Variants in ABCC9 observed in about 807,000 individuals in gnomAD.
ABCC9 encodes the protein ATP-binding cassette sub-family C member 9.
Under a neutral mutation model 188.3 loss-of-function variants are expected in ABCC9, and 95 were observed. The observed-to-expected ratio is 0.50, with a 90% confidence interval of 0.43 to 0.60. The LOEUF (loss-of-function observed/expected upper bound fraction) is 0.60, where lower values mean the gene tolerates loss of function less well. Among genes scored for constraint, ABCC9 ranks in the 20% least tolerant of loss-of-function variants. ABCC9 has a pLI of 0.00. For synonymous variants in ABCC9, 659 were observed against 652.7 expected, an observed-to-expected ratio of 1.01 and a Z score of -0.15; for missense variants, 1,102 against 1,876.3, an observed-to-expected ratio of 0.59 and a Z score of 7.62.
At position 21,845,692 on chromosome 12, in the gene ABCC9, A is replaced by T; in HGVS notation, c.3007T>A (p.Leu1003Met). 1 of 1,613,876 alleles carries T rather than the reference A, an allele frequency of 6.2e-7. No individual in the cohort carries two copies. The highest frequency in any genetic ancestry group is 8.5e-7 in the Non-Finnish European group (1 of 1,179,828). Residue 1003 changes from leucine to methionine, a missense_variant, in exon 26 of 40, where the codon TTG (leucine) becomes ATG (methionine). Leu to Met is a conservative substitution (Grantham distance 15, BLOSUM62 2). Transcript: ENST00000261200. ...LLILMIFSKLLKHSVIVAIDY... is the reference protein window; with the variant it reads ...LLILMIFSKLMKHSVIVAIDY... The stretch of plus-strand genomic sequence containing the variant: ...ATAGCTACAATGACCGAATGCTTCA[A>T]AAGCTTAGAGAAAATCATCAGGATG...
intron 17 of ABCC9, among the ~76,000 whole-genome samples, chr12:21,874,774 A>G (rs1415788363): frequency 6.6e-6 from 1 of 152,224 alleles, no homozygotes; most frequent in Non-Finnish European, 1.5e-5. Flanking sequence ...GAAATACTGT[A>G]TGATTCTATT....
chr12:21,939,015 G>A (rs548239143), intron 2 of ABCC9, among the ~76,000 whole-genome samples: 1 of 152,302 alleles, frequency 6.6e-6, no homozygotes, highest in African/African-American at 2.4e-5. Context: ...GTCAGAAACA[G>A]TTTCTGTGGT....
intron 2 of ABCC9, among the ~76,000 whole-genome samples, chr12:21,937,350 G>A (rs1169666036): frequency 6.6e-6 from 1 of 152,100 alleles, no homozygotes; most frequent in Non-Finnish European, 1.5e-5. Flanking sequence ...TACACTCTAC[G>A]CAAGTTTGAA....
Position 21,878,766 on chromosome 12 carries a change from T to A in ABCC9, c.2020-3040A>T, listed in dbSNP as rs200032536. Among the ~76,000 whole-genome samples the A allele has an allele frequency of 8.6e-5, 7 of 81,246 alleles. No individual in the cohort carries two copies. The Admixed American group carries it at 1.1e-3, about 12-fold the overall frequency. The allele number at this position is 81,246 out of a possible 152,430, so 53.3% of individuals were successfully genotyped here. ...AATGCAATGTCACCTTCTGATTTGG[T>A]GCTACATTGAAGTAAAAGAAGGAAC... is the stretch of plus-strand genomic sequence containing the variant. On this transcript the variant is annotated intron_variant, in intron 16 of 39. Coordinates refer to ENST00000261200, the MANE Select transcript of ABCC9 (RefSeq NM_020297.4).
chr12:21,923,013 C>T (rs1177463698), intron 5 of ABCC9: 1 of 149,292 alleles, frequency 6.7e-6, no homozygotes, highest in African/African-American at 2.5e-5. Flanking sequence ...TACATAAGTG[C>T]CAATGCAATC....
chr12:21,859,527 G>T lies in ABCC9; in HGVS notation c.2505+59C>A. On this transcript the variant is annotated intron_variant, in intron 22 of 39. Transcript: ENST00000261200. The stretch of plus-strand genomic sequence containing the variant: ...GTTACTTGACTTACACCTTTTTAAA[G>T]ACTCATTTGTCCAGATGGAAGAATG... 2.0e-6 allele frequency: 3 copies of T among 1,514,130 alleles called. No individual in the cohort carries two copies. In the South Asian group the frequency reaches 3.4e-5, roughly 17 times the overall value. 93.8% of individuals were successfully genotyped at this position (1,514,130 alleles called of 1,614,324 possible). A position where few individuals can be genotyped will look rare whatever the true frequency, so the allele number is the denominator to read the frequency against.
Position 21,862,386 on chromosome 12 carries a change from C to G in ABCC9, c.2339+567G>C, listed in dbSNP as rs1333725570. Among the ~76,000 whole-genome samples the G allele has an allele frequency of 2.6e-5, 4 of 152,052 alleles. No individual in the cohort carries two copies. In the East Asian group the frequency reaches 7.7e-4, roughly 29 times the overall value. On this transcript the variant is annotated intron_variant, in intron 20 of 39. Coordinates refer to ENST00000261200, the MANE Select transcript of ABCC9 (RefSeq NM_020297.4). Reference sequence around the variant, plus strand: ...CATATGGTCTACTTTTCTCCTCCCTCCCCCTTCCTCTTGCCTCTCCACTTA... The same window carrying G: ...CATATGGTCTACTTTTCTCCTCCCTGCCCCTTCCTCTTGCCTCTCCACTTA...
chr12:21,855,630 A>G (rs1198780207), intron 22 of ABCC9, among the ~76,000 whole-genome samples: 2 of 152,232 alleles, frequency 1.3e-5, no homozygotes, highest in East Asian at 3.8e-4. Context: ...AGGCTGGCCA[A>G]TGTTTCAAAC....
At chr12:21,846,612 T>C (rs1376221219) in intron 25 of ABCC9, among the ~76,000 whole-genome samples, 1 of 152,160 alleles carries the variant, frequency 6.6e-6, no homozygotes, top group Non-Finnish European at 1.5e-5. Context: ...CAAATATGTT[T>C]ATGATGAGAA....
At chr12:21,807,599 G>T in intron 37 of ABCC9, 120 bp from the exon 38 acceptor site, 1 of 1,358,766 alleles carries the variant, frequency 7.4e-7, no homozygotes, top group Non-Finnish European at 1.0e-6. Flanking sequence ...CTTAGTGCTG[G>T]TGCAAGGACT....
chr12:21,819,199 G>A (rs1942875983), intron 31 of ABCC9, among the ~76,000 whole-genome samples: 1 of 152,048 alleles, frequency 6.6e-6, no homozygotes, highest in Non-Finnish European at 1.5e-5. Flanking sequence ...AACTTCTCAT[G>A]TTAATGTGTC....
At chr12:21,834,877 C>A (rs531157624) in intron 30 of ABCC9, among the ~76,000 whole-genome samples, 1 of 151,318 alleles carries the variant, frequency 6.6e-6, no homozygotes, top group East Asian at 2.0e-4. Flanking sequence ...CCACCATTAA[C>A]TTCTCACTCA....
In ABCC9 at chr12:21,901,161, A is replaced by T. The variant is rs527736988; in HGVS notation, c.1618+4965T>A. Among the ~76,000 whole-genome samples, 3 of 152,318 alleles carry T rather than the reference A, an allele frequency of 2.0e-5. No homozygotes were observed. The South Asian group carries it at 6.2e-4, about 32-fold the overall frequency. ...TGAGGACCAATATTTGACATTCTTA[A>T]AGTAGAGAATTTTCAACCCAGAATT... On this transcript the variant is annotated intron_variant, in intron 12 of 39. Coordinates refer to ENST00000261200, the MANE Select transcript of ABCC9 (RefSeq NM_020297.4).
intron 34 of ABCC9, among the ~76,000 whole-genome samples, 171 bp downstream of exon 34, chr12:21,815,592 A>G (rs1215853286): frequency 2.0e-5 from 3 of 152,154 alleles, no homozygotes; most frequent in East Asian, 1.9e-4. Flanking sequence ...GAGAACATGT[A>G]CTGTAGTCTG....
chr12:21,854,468 C>G (rs886542560), intron 22 of ABCC9, among the ~76,000 whole-genome samples: 2 of 152,196 alleles, frequency 1.3e-5, no homozygotes, highest in African/African-American at 4.8e-5. Flanking sequence ...ATGATATAAT[C>G]AGTGTCCTCA....
intron 13 of ABCC9, among the ~76,000 whole-genome samples, chr12:21,895,032 G>A (rs1005631415): frequency 3.9e-5 from 6 of 152,166 alleles, no homozygotes; most frequent in African/African-American, 1.4e-4. Flanking sequence ...GTAGCTAGAA[G>A]CCAGGGATGC....
At chr12:21,900,423 G>A (rs61921496) in intron 12 of ABCC9, among the ~76,000 whole-genome samples, 52,925 of 151,984 alleles carry the variant, frequency 0.35, 9,597 homozygotes, top group Admixed American at 0.39. Flanking sequence ...CCAAAAGAAC[G>A]CAGCTCCTCA....
chr12:21,818,327 G>C, intron 31 of ABCC9, 76 bp from the exon 32 acceptor site: 4 of 1,089,588 alleles, frequency 3.7e-6, no homozygotes, highest in Non-Finnish European at 5.7e-6. Context: ...TTACAGAGGT[G>C]ATCACTAAGA....
intron 15 of ABCC9, among the ~76,000 whole-genome samples, chr12:21,886,944 A>G (rs1205080822): frequency 2.0e-5 from 3 of 152,192 alleles, no homozygotes; most frequent in African/African-American, 7.2e-5. Context: ...GGAAATGACC[A>G]CCCTGCTTCA....
Sources: allele counts gnomAD v4.1 joint callset (sites outside exome capture counted in the v4.1 genomes callset), GRCh38; gene constraint gnomAD v4.1.1; transcripts MANE v1.5; gene names NCBI Gene and HGNC (gene_info 2026-07-23, HGNC 2026-07-21).